Variants in STK33 observed in about 807,000 individuals in gnomAD.
STK33 encodes the protein serine/threonine-protein kinase 33.
Under a neutral mutation model 58.0 loss-of-function variants are expected in STK33, and 52 were observed. That is an observed-to-expected ratio of 0.90 (90% CI 0.72 to 1.13). STK33 has a LOEUF of 1.13. Ranked by LOEUF, STK33 falls within the 50% of genes most tolerant of loss-of-function variation. The pLI is 0.00. For synonymous variants in STK33, 215 were observed against 200.1 expected, an observed-to-expected ratio of 1.07 and a Z score of -0.63; for missense variants, 630 against 604.2, an observed-to-expected ratio of 1.04 and a Z score of -0.45.
intron 6 of STK33, 119 bp downstream of exon 6, chr11:8,473,044 A>G: frequency 1.6e-6 from 1 of 622,478 alleles, no homozygotes; most frequent in Non-Finnish European, 2.8e-6. Context: ...AAAATGGTAC[A>G]TTTCCTCTTT....
chr11:8,581,156 T>C (rs1184838786), intron 1 of STK33, among the ~76,000 whole-genome samples: 1 of 152,088 alleles, frequency 6.6e-6, no homozygotes, highest in Non-Finnish European at 1.5e-5. Context: ...ATTCCTCACC[T>C]TGAGCCAAAC....
At chr11:8,357,142 C>T in the STK33 span, among the ~76,000 whole-genome samples, 1 of 152,280 alleles carries the variant, frequency 6.6e-6, no homozygotes, top group Non-Finnish European at 1.5e-5. Context: ...CTGAAATGAA[C>T]TCTGCTCCAA....
At chr11:8,446,385 G>C (rs1945468564) in intron 11 of STK33, among the ~76,000 whole-genome samples, 1 of 152,044 alleles carries the variant, frequency 6.6e-6, no homozygotes, top group Non-Finnish European at 1.5e-5. Context: ...CTTGGGTTCT[G>C]CTCTGATCTT....
At chr11:8,510,689 G>A (rs1015885355) in intron 1 of STK33, among the ~76,000 whole-genome samples, 2 of 152,142 alleles carry the variant, frequency 1.3e-5, no homozygotes, top group Non-Finnish European at 2.9e-5. Context: ...TAAGGTGAGA[G>A]ATGAGGATCC....
the STK33 span, among the ~76,000 whole-genome samples, chr11:8,350,441 G>A: frequency 6.6e-6 from 1 of 152,154 alleles, no homozygotes; most frequent in Admixed American, 6.5e-5. Flanking sequence ...GAGAAGCATC[G>A]GATGCCCCCG....
At chr11:8,501,946 TTA>T (rs1264852533) in intron 1 of STK33, among the ~76,000 whole-genome samples, 2 of 152,116 alleles carry the variant, frequency 1.3e-5, no homozygotes, top group African/African-American at 4.8e-5. Context: ...AGCCCATATA[TTA>T]TATGAGTCTA....
At chr11:8,518,678 C>T (rs1482978701) in intron 1 of STK33, among the ~76,000 whole-genome samples, 14 of 152,144 alleles carry the variant, frequency 9.2e-5, no homozygotes, top group Admixed American at 5.2e-4. Flanking sequence ...AAAAACAAAG[C>T]AGGGGTTGCA....
chr11:8,449,994 G>A (rs1946070121), intron 11 of STK33, among the ~76,000 whole-genome samples: 1 of 152,160 alleles, frequency 6.6e-6, no homozygotes, highest in Non-Finnish European at 1.5e-5. Context: ...ATACAGTGTG[G>A]TGATTCCTCA....
intron 1 of STK33, among the ~76,000 whole-genome samples, chr11:8,487,913 G>C (rs1461480241): frequency 6.6e-6 from 1 of 152,182 alleles, no homozygotes; most frequent in Non-Finnish European, 1.5e-5. Flanking sequence ...ATGAATATCA[G>C]TAAGAACAAC....
At position 8,480,807 on chromosome 11, in the gene STK33, T is replaced by A. The variant is rs1206384955; in HGVS notation, c.-465-193A>T. 8.5e-5 allele frequency among the ~76,000 whole-genome samples: 13 copies of A among 152,138 alleles called. No individual in the cohort carries two copies. The South Asian group carries it at 1.7e-3, about 19-fold the overall frequency. ...ACTCTAAGGATCCAAACAGGAAGGCTCTGCTGTGCTCCATCCAGGAAGCTG... is the reference window on the plus strand; with the variant it reads ...ACTCTAAGGATCCAAACAGGAAGGCACTGCTGTGCTCCATCCAGGAAGCTG... On this transcript the variant is annotated intron_variant, in intron 1 of 15. Transcript: ENST00000687296.
chr11:8,474,121 G>C (rs888512170), intron 5 of STK33, among the ~76,000 whole-genome samples: 3 of 151,852 alleles, frequency 2.0e-5, no homozygotes, highest in African/African-American at 7.3e-5. Flanking sequence ...GTTGTGATGA[G>C]CTGAGATTGT....
chr11:8,530,019 C>G (rs1954391463), intron 1 of STK33, among the ~76,000 whole-genome samples: 1 of 152,134 alleles, frequency 6.6e-6, no homozygotes, highest in Non-Finnish European at 1.5e-5. Flanking sequence ...CTTCCTGGCC[C>G]AGATGAGCTG....
chr11:8,542,038 A>C (rs972103807), intron 1 of STK33, among the ~76,000 whole-genome samples: 11 of 152,370 alleles, frequency 7.2e-5, no homozygotes, highest in Admixed American at 6.5e-5. Context: ...TTAAAACAAA[A>C]GATGAATAGG....
chr11:8,522,532 TAAACTC>T (rs925267795), intron 1 of STK33, among the ~76,000 whole-genome samples: 62 of 151,826 alleles, frequency 4.1e-4, no homozygotes, highest in Admixed American at 1.0e-3. Context: ...TCAAAATACT[TAAACTC>T]AAGAAATGAA....
At chr11:8,511,067 G>C (rs1395320796) in intron 1 of STK33, among the ~76,000 whole-genome samples, 1 of 152,050 alleles carries the variant, frequency 6.6e-6, no homozygotes, top group Non-Finnish European at 1.5e-5. Flanking sequence ...TGAATCTGTA[G>C]ATTGCTTTTG....
chr11:8,467,366 T>TA (rs1248898017), intron 6 of STK33: 2 of 153,452 alleles, frequency 1.3e-5, no homozygotes, highest in African/African-American at 2.4e-5. Context: ...CCAGATACCC[T>TA]AAATCATCTC....
At chr11:8,448,423 C>A (rs569289420) in intron 11 of STK33, among the ~76,000 whole-genome samples, 24 of 152,120 alleles carry the variant, frequency 1.6e-4, no homozygotes, top group Middle Eastern at 3.4e-3. Context: ...TGGTACTGGT[C>A]CCAAAATAGA....
At chr11:8,451,626 C>T (rs775667806) in intron 11 of STK33, among the ~76,000 whole-genome samples, 3 of 152,036 alleles carry the variant, frequency 2.0e-5, no homozygotes, top group Non-Finnish European at 4.4e-5. Flanking sequence ...TGAGTATAAA[C>T]GAGCTGAGGG....
intron 8 of STK33, among the ~76,000 whole-genome samples, chr11:8,458,083 A>G (rs1379249411): frequency 6.6e-6 from 1 of 152,150 alleles, no homozygotes; most frequent in African/African-American, 2.4e-5. Flanking sequence ...AAGATTTTTA[A>G]GCTAGTGCCG....
Sources: allele counts gnomAD v4.1 joint callset (sites outside exome capture counted in the v4.1 genomes callset), GRCh38; gene constraint gnomAD v4.1.1; transcripts MANE v1.5; gene names NCBI Gene and HGNC (gene_info 2026-07-23, HGNC 2026-07-21).